The following MBD5 variants were observed in gnomAD, a reference collection of about 807,000 sequenced individuals.
The protein encoded by MBD5 is methyl-CpG binding domain protein 5.
Under a neutral mutation model 117.3 loss-of-function variants are expected in MBD5, and 13 were observed. The observed-to-expected ratio is 0.11, with a 90% CI of 0.07 to 0.18. MBD5 has a LOEUF of 0.18. Among genes scored for constraint, MBD5 ranks in the 10% least tolerant of loss-of-function variants. The pLI, the probability that MBD5 is intolerant of heterozygous loss-of-function variation, is 1.00. For missense variants in MBD5, 1,879 were observed against 2,093.8 expected (o/e 0.90, Z 2.00); for synonymous variants, 727 against 766.4 (o/e 0.95, Z 0.85).
chr2:148,050,524 C>G (rs1203144083), intron 1 of MBD5, among the ~76,000 whole-genome samples: 1 of 152,028 alleles, frequency 6.6e-6, no homozygotes, highest in East Asian at 1.9e-4. Flanking sequence ...TGTCTTTTCA[C>G]TCTCTATAAT....
intron 4 of MBD5, among the ~76,000 whole-genome samples, chr2:148,354,478 G>T (rs1703324280): frequency 6.6e-6 from 1 of 152,178 alleles, no homozygotes; most frequent in African/African-American, 2.4e-5. Context: ...GTATTCCAGG[G>T]TGTATATTTG....
At chr2:148,197,809 T>G (rs1293925392) in intron 2 of MBD5, among the ~76,000 whole-genome samples, 1 of 115,094 alleles carries the variant, frequency 8.7e-6, no homozygotes, top group Admixed American at 9.3e-5. Flanking sequence ...TTTTTTTGTT[T>G]TTTTTTTTGT....
chr2:148,077,807 T>C (rs1695543266), intron 1 of MBD5, among the ~76,000 whole-genome samples: 1 of 152,094 alleles, frequency 6.6e-6, no homozygotes. Flanking sequence ...TTTTATAGCA[T>C]GAGGGTAGGG....
At chr2:148,369,687 TTG>T (rs2105357168) in intron 4 of MBD5, among the ~76,000 whole-genome samples, 1 of 152,284 alleles carries the variant, frequency 6.6e-6, no homozygotes, top group East Asian at 1.9e-4. Flanking sequence ...ATACTTTTTG[TTG>T]TGATTGTTTT....
chr2:148,273,254 A>G (rs1701026289), intron 3 of MBD5, among the ~76,000 whole-genome samples: 2 of 152,148 alleles, frequency 1.3e-5, no homozygotes, highest in South Asian at 4.1e-4. Flanking sequence ...TTTACAGTTT[A>G]ACTTTAAAAC....
At chr2:148,460,712 C>A (rs1250635698) in intron 5 of MBD5, among the ~76,000 whole-genome samples, 2 of 152,142 alleles carry the variant, frequency 1.3e-5, no homozygotes, top group African/African-American at 4.8e-5. Flanking sequence ...TAAAGAGATA[C>A]AACTGAAGGA....
At chr2:148,356,631 T>G (rs1331949309) in intron 4 of MBD5, among the ~76,000 whole-genome samples, 1 of 152,212 alleles carries the variant, frequency 6.6e-6, no homozygotes, top group Non-Finnish European at 1.5e-5. Context: ...GGTTATATTT[T>G]CTTAAGCAAT....
At chr2:148,125,873 T>A (rs973463767) in intron 1 of MBD5, among the ~76,000 whole-genome samples, 5 of 152,200 alleles carry the variant, frequency 3.3e-5, no homozygotes, top group Non-Finnish European at 7.3e-5. Context: ...AATATTTTTT[T>A]AAAGGTGGCT....
At chr2:148,445,780 A>G (rs1706487240) in intron 4 of MBD5, among the ~76,000 whole-genome samples, 1 of 151,232 alleles carries the variant, frequency 6.6e-6, no homozygotes, top group African/African-American at 2.5e-5. Flanking sequence ...CTATTTCTCC[A>G]CATCCTCTCC....
intron 2 of MBD5, among the ~76,000 whole-genome samples, chr2:148,181,804 T>C (rs1480735210): frequency 6.6e-6 from 1 of 152,162 alleles, no homozygotes; most frequent in Non-Finnish European, 1.5e-5. Context: ...ATGATGTTCT[T>C]TAAGTAGACA....
chr2:148,454,432 A>G (rs1191863680), intron 4 of MBD5, among the ~76,000 whole-genome samples: 1 of 152,212 alleles, frequency 6.6e-6, no homozygotes, highest in Non-Finnish European at 1.5e-5. Flanking sequence ...ACCTCAATAG[A>G]GATGGCTCTC....
At chr2:148,047,671 T>C (rs1458322396) in intron 1 of MBD5, among the ~76,000 whole-genome samples, 1 of 152,176 alleles carries the variant, frequency 6.6e-6, no homozygotes, top group Non-Finnish European at 1.5e-5. Flanking sequence ...TGTAAATAAA[T>C]GTATAAGGTC....
At chr2:148,421,445 C>T (rs1216364968) in intron 4 of MBD5, among the ~76,000 whole-genome samples, 1 of 152,194 alleles carries the variant, frequency 6.6e-6, no homozygotes, top group African/African-American at 2.4e-5. Context: ...CCAGGAGATT[C>T]TCTCAGTGCC....
intron 8 of MBD5, among the ~76,000 whole-genome samples, chr2:148,479,457 A>G (rs1002427686): frequency 5.3e-5 from 8 of 152,178 alleles, no homozygotes; most frequent in African/African-American, 1.9e-4. Context: ...ATACTAACAA[A>G]TATTTTTTGA....
chr2:148,063,377 C>T (rs908266422), intron 1 of MBD5, among the ~76,000 whole-genome samples: 1 of 152,048 alleles, frequency 6.6e-6, no homozygotes, highest in South Asian at 2.1e-4. Context: ...AGTTGGGGAT[C>T]GTTAGGGTTC....
intron 3 of MBD5, among the ~76,000 whole-genome samples, chr2:148,306,071 A>G (rs1242009190): frequency 6.6e-6 from 1 of 152,204 alleles, no homozygotes; most frequent in Non-Finnish European, 1.5e-5. Context: ...AACTTTTCAT[A>G]AGGAATCTCA....
At chr2:148,226,683 G>A (rs1266114664) in intron 2 of MBD5, among the ~76,000 whole-genome samples, 6 of 152,034 alleles carry the variant, frequency 3.9e-5, no homozygotes, top group Admixed American at 6.6e-5. Context: ...CTGAGGAATC[G>A]CCACACCGAC....
At chr2:148,138,328 A>G (rs1697221954) in intron 1 of MBD5, among the ~76,000 whole-genome samples, 1 of 152,232 alleles carries the variant, frequency 6.6e-6, no homozygotes, top group South Asian at 2.1e-4. Context: ...AGGTGAAGAA[A>G]TGTGCTTACA....
chr2:148,390,313 A>T (rs1704527655), intron 4 of MBD5, among the ~76,000 whole-genome samples: 1 of 151,634 alleles, frequency 6.6e-6, no homozygotes, highest in African/African-American at 2.4e-5. Context: ...TGCTGTTTTG[A>T]TTATTACATT....
Sources: gnomAD v4.1 joint callset for allele counts (sites outside exome capture counted in the v4.1 genomes callset) on GRCh38, gnomAD v4.1.1 for gene constraint, MANE v1.5 for transcripts, NCBI Gene and HGNC (gene_info 2026-07-23, HGNC 2026-07-21) for gene names.